The following ROR1 variants were observed in gnomAD, a reference collection of about 807,000 sequenced individuals.
The protein encoded by ROR1 is ROR family WNT receptor 1, also known as inactive tyrosine-protein kinase transmembrane receptor ROR1.
Under a neutral mutation model 78.8 loss-of-function variants are expected in ROR1, and 19 were observed. That is an observed-to-expected ratio of 0.24 (90% CI 0.17 to 0.35). ROR1 has a LOEUF of 0.35. ROR1 is among the 10% of genes least tolerant of loss of function. ROR1 has a pLI of 1.00. For missense variants in ROR1, 917 were observed against 1,177.8 expected, an observed-to-expected ratio of 0.78 and a Z score of 3.24; for synonymous variants, 386 against 433.6, an observed-to-expected ratio of 0.89 and a Z score of 1.36.
At chr1:64,120,806 T>C (rs1438809091) in intron 4 of ROR1, among the ~76,000 whole-genome samples, 2 of 152,154 alleles carry the variant, frequency 1.3e-5, no homozygotes, top group Non-Finnish European at 2.9e-5. Context: ...TCAGTCTAAG[T>C]TGGTGTAATA....
At chr1:63,986,437 T>A (rs1646252898) in intron 1 of ROR1, among the ~76,000 whole-genome samples, 1 of 152,106 alleles carries the variant, frequency 6.6e-6, no homozygotes, top group Admixed American at 6.6e-5. Context: ...AGAAAGAGAA[T>A]CACGGATCGA....
chr1:63,883,453 C>CCACT (rs1338216973), intron 1 of ROR1, among the ~76,000 whole-genome samples: 2 of 152,200 alleles, frequency 1.3e-5, no homozygotes, highest in East Asian at 3.9e-4. Context: ...GTTTTCTGGG[C>CCACT]CACTCACTCA....
intron 1 of ROR1, among the ~76,000 whole-genome samples, chr1:63,875,679 C>T (rs933370431): frequency 6.6e-6 from 1 of 152,160 alleles, no homozygotes; most frequent in African/African-American, 2.4e-5. Flanking sequence ...TAAAACTGCA[C>T]ACTCACAAGT....
intron 1 of ROR1, among the ~76,000 whole-genome samples, chr1:63,997,236 G>A (rs762884863): frequency 3.9e-5 from 6 of 152,152 alleles, no homozygotes; most frequent in Non-Finnish European, 7.3e-5. Flanking sequence ...TTATAATGGA[G>A]GGCTCCACAG....
chr1:63,848,478 G>A (rs975761575), intron 1 of ROR1, among the ~76,000 whole-genome samples: 2 of 152,064 alleles, frequency 1.3e-5, no homozygotes, highest in African/African-American at 4.8e-5. Flanking sequence ...AAGGTATTTC[G>A]AAGGAAGCTT....
intron 7 of ROR1, among the ~76,000 whole-genome samples, chr1:64,154,906 T>C (rs1649730390): frequency 6.6e-6 from 1 of 152,242 alleles, no homozygotes; most frequent in Non-Finnish European, 1.5e-5. Context: ...GTAAGAATAA[T>C]GTCCATTGTT....
At chr1:63,873,263 T>C (rs150556523) in intron 1 of ROR1, among the ~76,000 whole-genome samples, 2 of 152,296 alleles carry the variant, frequency 1.3e-5, no homozygotes, top group Non-Finnish European at 2.9e-5. Flanking sequence ...GTTTGAGTGA[T>C]TCTGGCTACA....
chr1:63,986,647 C>A (rs1370024783), intron 1 of ROR1, among the ~76,000 whole-genome samples: 1 of 152,144 alleles, frequency 6.6e-6, no homozygotes, highest in African/African-American at 2.4e-5. Flanking sequence ...AATCCCAACA[C>A]TTTGGGAGGT....
chr1:64,110,894 G>A (rs1648066776), intron 4 of ROR1: 1 of 151,880 alleles, frequency 6.6e-6, no homozygotes, highest in Non-Finnish European at 1.5e-5. Flanking sequence ...ATATATTTGT[G>A]AGCCCAGGTA....
At chr1:63,917,350 A>G (rs1645616858) in intron 1 of ROR1, among the ~76,000 whole-genome samples, 2 of 152,340 alleles carry the variant, frequency 1.3e-5, no homozygotes, top group South Asian at 4.1e-4. Flanking sequence ...GCAAATAAGC[A>G]AACAGGAAGA....
At position 63,963,591 on chromosome 1, in the gene ROR1, A is replaced by C. The variant is rs367596609; in HGVS notation, c.92-45714A>C. Reference sequence around the variant, plus strand: ...CTCAAAAAAACAAAACAAAACAAAAAAAAAAACAAAACAAAAAGAAAGGAA... The same window carrying C: ...CTCAAAAAAACAAAACAAAACAAAACAAAAAACAAAACAAAAAGAAAGGAA... On this transcript the variant is annotated intron_variant, in intron 1 of 8. Transcript: ENST00000371079. 9.3e-4 allele frequency among the ~76,000 whole-genome samples: 140 copies of C among 151,054 alleles called. 1 individual carries two copies. The highest frequency in any genetic ancestry group is 3.4e-3 in the Middle Eastern group (1 of 294).
intron 8 of ROR1, 25 bp from the exon 9 acceptor site, chr1:64,177,403 C>T (rs372007035): frequency 6.4e-7 from 1 of 1,561,400 alleles, no homozygotes; most frequent in African/African-American, 1.4e-5. Flanking sequence ...TGTTTTAAAC[C>T]ACGTTTTTCC....
intron 1 of ROR1, among the ~76,000 whole-genome samples, chr1:63,882,094 T>C (rs1254267910): frequency 1.3e-5 from 2 of 152,110 alleles, no homozygotes; most frequent in Non-Finnish European, 1.5e-5. Context: ...GGTTGAAACT[T>C]TGAACTGAGA....
intron 7 of ROR1, among the ~76,000 whole-genome samples, chr1:64,147,569 C>T (rs566618330): frequency 5.9e-5 from 9 of 152,142 alleles, no homozygotes; most frequent in Non-Finnish European, 1.3e-4. Flanking sequence ...CGTGTCTTCT[C>T]CCAGTCGCCC....
chr1:63,928,519 A>C (rs1433550996), intron 1 of ROR1, among the ~76,000 whole-genome samples: 1 of 152,228 alleles, frequency 6.6e-6, no homozygotes, highest in Non-Finnish European at 1.5e-5. Context: ...AGATATGCCC[A>C]GTATCCCACA....
intron 1 of ROR1, among the ~76,000 whole-genome samples, chr1:63,917,475 G>A (rs1399413477): frequency 6.6e-6 from 1 of 152,078 alleles, no homozygotes; most frequent in East Asian, 1.9e-4. Context: ...TAATAGTATG[G>A]TAAACAGGAT....
intron 1 of ROR1, among the ~76,000 whole-genome samples, chr1:63,969,912 T>C (rs1646105810): frequency 6.6e-6 from 1 of 152,278 alleles, no homozygotes; most frequent in South Asian, 2.1e-4. Flanking sequence ...AATATGGCAC[T>C]CCTGAGTTCT....
intron 4 of ROR1, among the ~76,000 whole-genome samples, chr1:64,080,637 C>T (rs1355769966): frequency 1.3e-5 from 2 of 152,234 alleles, no homozygotes; most frequent in Non-Finnish European, 2.9e-5. Flanking sequence ...ACAAGAAACA[C>T]ATCCCTCCCT....
chr1:63,942,362 T>C (rs1416791008), intron 1 of ROR1, among the ~76,000 whole-genome samples: 1 of 152,222 alleles, frequency 6.6e-6, no homozygotes, highest in African/African-American at 2.4e-5. Context: ...GAACATTTCC[T>C]TGTGTATAAT....
Sources: allele counts gnomAD v4.1 joint callset (sites outside exome capture counted in the v4.1 genomes callset), GRCh38; gene constraint gnomAD v4.1.1; transcripts MANE v1.5; gene names NCBI Gene and HGNC (gene_info 2026-07-23, HGNC 2026-07-21).